LDAH: variants seen among roughly 807,000 people sequenced by gnomAD.
The protein encoded by LDAH is lipid droplet associated hydrolase.
Under a neutral mutation model 29.6 loss-of-function variants are expected in LDAH, and 26 were observed. The observed-to-expected ratio is 0.88, with a 90% CI of 0.64 to 1.22. LDAH has a LOEUF of 1.22. LDAH is among the 50% of genes most tolerant of loss of function. The pLI is 0.00. For synonymous variants in LDAH, 117 were observed against 133.0 expected (o/e 0.88, Z 0.83); for missense variants, 344 against 387.3 (o/e 0.89, Z 0.94).
intron 4 of LDAH, among the ~76,000 whole-genome samples, chr2:20,757,009 G>A (rs1383321238): frequency 1.3e-5 from 2 of 152,216 alleles, no homozygotes; most frequent in Admixed American, 6.5e-5. Flanking sequence ...GTTGATAGGA[G>A]GTGAAGATGG....
intron 1 of LDAH, among the ~76,000 whole-genome samples, chr2:20,821,566 T>C (rs528731921): frequency 2.0e-5 from 3 of 151,618 alleles, no homozygotes; most frequent in East Asian, 1.9e-4. Flanking sequence ...AATTGAACAA[T>C]GAGAACACTT....
intron 5 of LDAH, among the ~76,000 whole-genome samples, chr2:20,709,922 G>A (rs1464842833): frequency 7.9e-5 from 12 of 152,186 alleles, no homozygotes; most frequent in Admixed American, 7.2e-4. Context: ...GACTTTGTGG[G>A]ACAGGGCCAA....
intron 4 of LDAH, among the ~76,000 whole-genome samples, chr2:20,768,087 C>T (rs894810044): frequency 2.0e-5 from 3 of 152,198 alleles, no homozygotes; most frequent in African/African-American, 4.8e-5. Context: ...AATAAAGCTC[C>T]TCTCTGTCTT....
intron 1 of LDAH, among the ~76,000 whole-genome samples, chr2:20,807,975 A>C (rs750095176): frequency 6.6e-6 from 1 of 152,006 alleles, no homozygotes; most frequent in Non-Finnish European, 1.5e-5. Flanking sequence ...TTGAATTAAT[A>C]AGTGAATGCA....
At chr2:20,815,811 A>C (rs1672806522) in intron 1 of LDAH, among the ~76,000 whole-genome samples, 1 of 152,146 alleles carries the variant, frequency 6.6e-6, no homozygotes, top group African/African-American at 2.4e-5. Context: ...TGTATCAATA[A>C]GGTTTAATTT....
chr2:20,754,566 A>G (rs1196460072), intron 4 of LDAH, among the ~76,000 whole-genome samples: 1 of 151,778 alleles, frequency 6.6e-6, no homozygotes, highest in Non-Finnish European at 1.5e-5. Context: ...GAAATTCTGC[A>G]TAACATCTCG....
intron 5 of LDAH, among the ~76,000 whole-genome samples, chr2:20,738,658 C>G (rs964357090): frequency 6.6e-6 from 1 of 152,162 alleles, no homozygotes; most frequent in East Asian, 1.9e-4. Flanking sequence ...ATTTCTATGA[C>G]TGTCCTTAGC....
At chr2:20,732,637 GTTTA>G (rs1666490406) in intron 5 of LDAH, among the ~76,000 whole-genome samples, 2 of 152,260 alleles carry the variant, frequency 1.3e-5, no homozygotes, top group African/African-American at 4.8e-5. Flanking sequence ...TGAAGAATTG[GTTTA>G]TTTCATTCCA....
chr2:20,796,181 T>C (rs1671293486), intron 2 of LDAH, among the ~76,000 whole-genome samples: 2 of 152,130 alleles, frequency 1.3e-5, no homozygotes, highest in South Asian at 4.1e-4. Context: ...GAAATCTGGC[T>C]CTCCCCTGTA....
intron 2 of LDAH, 150 bp downstream of exon 2, chr2:20,801,151 CCAGACGTCA>C: frequency 1.5e-6 from 1 of 676,092 alleles, no homozygotes; most frequent in Non-Finnish European, 2.4e-6. Context: ...AACACAAAAT[CCAGACGTCA>C]AAATATTAAG....
chr2:20,782,708 T>C (rs1463059503), intron 3 of LDAH, among the ~76,000 whole-genome samples: 2 of 152,126 alleles, frequency 1.3e-5, no homozygotes, highest in Non-Finnish European at 2.9e-5. Context: ...GCGTCTTCTC[T>C]TTCTCCCCCC....
rs550237783 is a variant in LDAH, at chr2:20,731,841, A to AT, written c.703+8129dup. ...TTTTGGTAGATTCCTTGGGATTGTC[A>AT]TTTTTTTCTTTTAGTTTTTTTTTTT... On this transcript the variant is annotated intron_variant, in intron 5 of 6. Coordinates refer to ENST00000237822, the MANE Select transcript of LDAH (RefSeq NM_021925.4). Among the ~76,000 whole-genome samples, 687 of 137,102 alleles carry AT rather than the reference A, an allele frequency of 5.0e-3. 7 individuals carry two copies. Among genetic ancestry groups the AT allele is most frequent in the South Asian group, 0.043 (192 of 4,432 alleles). 89.9% of individuals were successfully genotyped at this position (137,102 alleles called of 152,430 possible). A position where few individuals can be genotyped will look rare whatever the true frequency, so the allele number is the denominator to read the frequency against.
intron 1 of LDAH, among the ~76,000 whole-genome samples, chr2:20,816,153 T>C (rs538104305): frequency 1.3e-5 from 2 of 152,088 alleles, no homozygotes; most frequent in East Asian, 1.9e-4. Flanking sequence ...ACTATAAACA[T>C]GTCAAATAGA....
In LDAH at chr2:20,741,323, T is replaced by C. The variant is rs571455177; in HGVS notation, c.469-1118A>G. On this transcript the variant is annotated intron_variant, in intron 4 of 6. Transcript: ENST00000237822. ...AGGGACTGTACCTTTGGTTTGTATC[T>C]AAAAAGTCATCATCATATCCAAGGT... 5.3e-5 allele frequency among the ~76,000 whole-genome samples: 8 copies of C among 152,352 alleles called. No homozygotes were observed. In the East Asian group the frequency reaches 1.5e-3, roughly 29 times the overall value.
intron 1 of LDAH, among the ~76,000 whole-genome samples, chr2:20,804,398 G>A (rs552587743): frequency 2.0e-5 from 3 of 152,236 alleles, no homozygotes; most frequent in Admixed American, 2.0e-4. Flanking sequence ...TAAGACTGAT[G>A]CATGGAATGC....
At chr2:20,806,301 A>G (rs1469909150) in intron 1 of LDAH, among the ~76,000 whole-genome samples, 1 of 152,142 alleles carries the variant, frequency 6.6e-6, no homozygotes, top group Non-Finnish European at 1.5e-5. Context: ...TAAACATAAT[A>G]ATATTAAATG....
At chr2:20,763,309 G>A (rs988678185) in intron 4 of LDAH, among the ~76,000 whole-genome samples, 4 of 152,184 alleles carry the variant, frequency 2.6e-5, no homozygotes, top group African/African-American at 7.2e-5. Context: ...GAAAGACCAA[G>A]GACAGATTTA....
At chr2:20,692,653 A>C (rs1250009311) in intron 6 of LDAH, among the ~76,000 whole-genome samples, 1 of 152,240 alleles carries the variant, frequency 6.6e-6, no homozygotes, top group Non-Finnish European at 1.5e-5. Context: ...GAATTTTAGA[A>C]GCTCTTTAAA....
At position 20,686,630 on chromosome 2, in the gene LDAH, G is replaced by A. The variant is rs181085915; in HGVS notation, c.*273C>T. The A allele has an allele frequency of 1.6e-5, 4 of 256,924 alleles. No individual in the cohort carries two copies. Among genetic ancestry groups the A allele is most frequent in the African/African-American group, 8.8e-5 (4 of 45,234 alleles). 15.9% of individuals were successfully genotyped at this position (256,924 alleles called of 1,614,324 possible). A position where few individuals can be genotyped will look rare whatever the true frequency, so the allele number is the denominator to read the frequency against. The stretch of plus-strand genomic sequence containing the variant: ...TCCTGCCTACCAAAATAAACCATAT[G>A]GTGCCACTGGGCATCTTGTGCAAAC... On this transcript the variant is annotated 3_prime_UTR_variant, in exon 7 of 7. Transcript: ENST00000237822.
Sources: gnomAD v4.1 joint callset for allele counts (sites outside exome capture counted in the v4.1 genomes callset) on GRCh38, gnomAD v4.1.1 for gene constraint, MANE v1.5 for transcripts, NCBI Gene and HGNC (gene_info 2026-07-23, HGNC 2026-07-21) for gene names.